AASDH: variants seen among roughly 807,000 people sequenced by gnomAD.
The protein encoded by AASDH is aminoadipate-semialdehyde dehydrogenase.
Under a neutral mutation model 102.3 loss-of-function variants are expected in AASDH, and 81 were observed. The observed-to-expected ratio is 0.79, with a 90% confidence interval of 0.66 to 0.95. The LOEUF is 0.95. Ranked by LOEUF, AASDH falls within the 40% of genes least tolerant of loss-of-function variation. AASDH has a pLI of 0.00. For missense variants in AASDH, 1,203 were observed against 1,266.2 expected, an observed-to-expected ratio of 0.95 and a Z score of 0.76; for synonymous variants, 398 against 454.0, an observed-to-expected ratio of 0.88 and a Z score of 1.57.
chr4:56,353,481 T>A lies in AASDH; in HGVS notation c.1499A>T (p.Glu500Val), dbSNP rs776879887. The change falls in exon 9 of 15, where the codon GAA becomes GTA. Residue 500 changes from glutamate to valine, a missense_variant. Physicochemically the swap from Glu to Val is moderately radical, Grantham distance 121 (BLOSUM62 -2). Transcript: ENST00000205214. ...DASVKEYIFK[E>V]LQKYLPSHAV... is the part of the protein sequence containing the mutation. ...ATGACTTGGAAGATATTTCTGCAGT[T>A]CTTTAAAGATGTATTCTTTTACTGA... The A allele has an allele frequency of 1.2e-6, 2 of 1,613,984 alleles. No individual in the cohort carries two copies. Among genetic ancestry groups the A allele is most frequent in the Admixed American group, 3.3e-5 (2 of 60,000 alleles).
chr4:56,363,791 G>C (rs13111432), intron 5 of AASDH, among the ~76,000 whole-genome samples: 70,278 of 151,880 alleles, frequency 0.46, 16,518 homozygotes, highest in Non-Finnish European at 0.49. Flanking sequence ...GCAGAAAAAC[G>C]GGAAACTCTA....
chr4:56,356,139 C>CA, intron 5 of AASDH: 1 of 653,806 alleles, frequency 1.5e-6, no homozygotes, highest in South Asian at 1.7e-5. Flanking sequence ...TCCAAGATGC[C>CA]AAAAGGAAAG....
chr4:56,348,931 GTGT>G (rs1748643171), intron 11 of AASDH: 1 of 282,960 alleles, frequency 3.5e-6, no homozygotes, highest in Non-Finnish European at 6.6e-6. Flanking sequence ...CAATAAATTT[GTGT>G]TGTTCTAGGT....
In AASDH at chr4:56,354,740, A is replaced by G; in HGVS notation, c.1175T>C (p.Phe392Ser). The G allele has an allele frequency of 6.2e-7, 1 of 1,608,650 alleles. No individual in the cohort carries two copies. Among genetic ancestry groups the G allele is most frequent in the Non-Finnish European group, 8.5e-7 (1 of 1,177,674 alleles). The change falls in exon 7 of 15, where the codon TTC becomes TCC. Residue 392 changes from phenylalanine to serine, a missense_variant. Transcript: ENST00000205214. ...TTGGCCACTGCCTTCCTGAATTGTGAAGCCATTAGTATCTCTGACTTCAAC... is the reference window on the plus strand; with the variant it reads ...TTGGCCACTGCCTTCCTGAATTGTGGAGCCATTAGTATCTCTGACTTCAAC... ...TVVEVRDTNG[F>S]TIQEGSGQVF... is the part of the protein sequence containing the mutation.
At chr4:56,365,242 A>C (rs1750844258) in intron 5 of AASDH, among the ~76,000 whole-genome samples, 1 of 152,060 alleles carries the variant, frequency 6.6e-6, no homozygotes, top group South Asian at 2.1e-4. Context: ...ACCTACAAAG[A>C]GACTTAGACT....
rs756630177 is a variant in AASDH at position 56,355,379 on chromosome 4, C to T, written c.906G>A (p.Lys302=). ...AAGTAGTGGCTGACAAAACAGTTGA[C>T]TTGATAAGCTGAGATCCAAATCTTC... ...LLRRFGSQLI[K]STVLSATTSL... Residue 302 remains lysine, a synonymous_variant, in exon 6 of 15, where the codon AAG becomes AAA. Coordinates refer to ENST00000205214, the MANE Select transcript of AASDH (RefSeq NM_181806.4). 98 of 1,613,928 alleles carry T rather than the reference C, an allele frequency of 6.1e-5. No individual in the cohort carries two copies. The South Asian group carries it at 1.1e-3, about 17-fold the overall frequency.
chr4:56,364,438 T>C (rs989922974), intron 5 of AASDH, among the ~76,000 whole-genome samples: 2 of 151,818 alleles, frequency 1.3e-5, no homozygotes, highest in Admixed American at 1.3e-4. Flanking sequence ...AAGTTGAAAT[T>C]AAGGAAAAAA....
chr4:56,342,663 AATG>A (rs1385226971), intron 14 of AASDH, among the ~76,000 whole-genome samples, 169 bp downstream of exon 14: 38 of 152,056 alleles, frequency 2.5e-4, no homozygotes, highest in South Asian at 1.0e-3. Flanking sequence ...TGAGTTGAAT[AATG>A]ATGTTTAAAA....
In AASDH at chr4:56,355,217, A is replaced by G; in HGVS notation, c.1068T>C (p.Tyr356=). The stretch of plus-strand genomic sequence containing the variant: ...AGTTAAGAGTCTTCTCTGGAATCCT[A>G]TAAATGGTCGCCCAACTTGATACCT... ...ITEVSSWATI[Y]RIPEKTLNST... The change falls in exon 6 of 15, where the codon TAT becomes TAC. Residue 356 remains tyrosine (Y), a synonymous_variant. Transcript: ENST00000205214. The G allele has an allele frequency of 6.2e-7, 1 of 1,614,054 alleles. No homozygotes were observed. The highest frequency in any genetic ancestry group is 1.1e-5 in the South Asian group (1 of 91,082).
Position 56,378,140 on chromosome 4 carries a change from G to T in AASDH, c.668+8C>A. ...GATTCTGAGAAAGAGTCAAAGACTA[G>T]AACTTACCGAAAATGCTGGATATTT... On this transcript the variant is annotated splice_region_variant and intron_variant, in intron 4 of 14. Coordinates refer to ENST00000205214, the MANE Select transcript of AASDH (RefSeq NM_181806.4). 1 of 1,591,896 alleles carries T rather than the reference G, an allele frequency of 6.3e-7. No homozygotes were observed. Among genetic ancestry groups the T allele is most frequent in the South Asian group, 1.2e-5 (1 of 86,930 alleles).
chr4:56,374,999 T>A (rs1389860843), intron 4 of AASDH, among the ~76,000 whole-genome samples: 1 of 152,236 alleles, frequency 6.6e-6, no homozygotes, highest in East Asian at 1.9e-4. Context: ...GGAAACCTAG[T>A]CCTTCCCTTT....
chr4:56,363,436 C>A (rs1258739602), intron 5 of AASDH, among the ~76,000 whole-genome samples: 1 of 152,234 alleles, frequency 6.6e-6, no homozygotes, highest in Non-Finnish European at 1.5e-5. Context: ...TCAAGTGGGT[C>A]CCTGAACCCC....
intron 5 of AASDH, chr4:56,356,417 G>A (rs1749647713): frequency 6.3e-7 from 1 of 1,588,260 alleles, no homozygotes; most frequent in African/African-American, 1.3e-5. Flanking sequence ...CTACTCAGCT[G>A]CTTAAGCTGG....
chr4:56,377,065 T>TAA (rs1752430697), intron 4 of AASDH, among the ~76,000 whole-genome samples: 1 of 68,838 alleles, frequency 1.5e-5, no homozygotes, highest in African/African-American at 5.3e-5. Flanking sequence ...AGACTCCGTC[T>TAA]CAAAAAAAAA....
At chr4:56,378,915 ACT>A (rs1354522211) in intron 3 of AASDH, among the ~76,000 whole-genome samples, 1 of 148,504 alleles carries the variant, frequency 6.7e-6, no homozygotes, top group Non-Finnish European at 1.5e-5. Context: ...ACGGAGTCTC[ACT>A]CTGTCATCCA....
intron 1 of AASDH, among the ~76,000 whole-genome samples, chr4:56,384,747 T>C (rs968172529): frequency 1.3e-5 from 2 of 152,182 alleles, no homozygotes; most frequent in African/African-American, 4.8e-5. Context: ...TTTGTTAAGA[T>C]AGAGTAGTCA....
rs1447962145 is a variant in AASDH at position 56,354,097 on chromosome 4, C to T, written c.1325G>A (p.Arg442Gln). Residue 442 changes from arginine (R) to glutamine (Q), a missense_variant, in exon 8 of 15, where the codon CGA (arginine) becomes CAA (glutamine). Physicochemically the swap from Arg to Gln is conservative, Grantham distance 43. Transcript: ENST00000205214. Reference protein sequence around the residue: ...VKDGEIFFLGRKDSQIKRHGK... With the variant: ...VKDGEIFFLGQKDSQIKRHGK... ...ATGACGTTTGATCTGACTGTCTTTT[C>T]GTCCCAAAAAAAAAATCTCTCCATC... is the stretch of plus-strand genomic sequence containing the variant. 1.9e-6 allele frequency: 3 copies of T among 1,612,772 alleles called. No homozygotes were observed. The highest frequency in any genetic ancestry group is 1.3e-5 in the African/African-American group (1 of 74,922).
Position 56,382,470 on chromosome 4 carries a change from G to T in AASDH, c.351+7C>A. The stretch of plus-strand genomic sequence containing the variant: ...AGGCAAAAAACAATTGAAACATCCA[G>T]ACTTACATTAATTTGTTTTTTTTCA... On this transcript the variant is annotated splice_region_variant and intron_variant, in intron 3 of 14. Transcript: ENST00000205214. 6.5e-7 allele frequency: 1 copy of T among 1,545,692 alleles called. No homozygotes were observed. The highest frequency in any genetic ancestry group is 1.2e-5 in the South Asian group (1 of 86,164).
chr4:56,385,799 A>T (rs1753481936), intron 1 of AASDH, among the ~76,000 whole-genome samples: 1 of 152,066 alleles, frequency 6.6e-6, no homozygotes, highest in African/African-American at 2.4e-5. Context: ...AAGTAGACAC[A>T]GGGTTTCTCC....
Sources: gnomAD v4.1 joint callset for allele counts (sites outside exome capture counted in the v4.1 genomes callset) on GRCh38, gnomAD v4.1.1 for gene constraint, MANE v1.5 for transcripts, NCBI Gene and HGNC (gene_info 2026-07-23, HGNC 2026-07-21) for gene names.